ZFHX3: variants seen among roughly 807,000 people sequenced by gnomAD.
The protein encoded by ZFHX3 is zinc finger homeobox 3, also known as zinc finger homeobox protein 3.
A neutral mutation model predicts 279.1 loss-of-function variants in ZFHX3; 42 were observed. The ratio of observed to expected loss-of-function variants is 0.15; its 90% CI spans 0.12 to 0.19. The LOEUF (loss-of-function observed/expected upper bound fraction) is 0.19, where lower values mean the gene tolerates loss of function less well. Ranked by LOEUF, ZFHX3 falls within the 10% of genes least tolerant of loss-of-function variation. The pLI is 1.00. For missense variants in ZFHX3, 4,981 were observed against 4,754.0 expected (o/e 1.05, Z -1.40); for synonymous variants, 2,293 against 1,957.8 (o/e 1.17, Z -4.52).
intron 5 of ZFHX3, among the ~76,000 whole-genome samples, chr16:73,200,219 T>A: frequency 6.6e-6 from 1 of 152,224 alleles, no homozygotes; most frequent in East Asian, 1.9e-4. Context: ...TAAATCGTAT[T>A]AAATTGGTGG....
intron 3 of ZFHX3, among the ~76,000 whole-genome samples, chr16:73,406,008 G>A (rs910939102): frequency 1.3e-5 from 2 of 152,212 alleles, no homozygotes; most frequent in African/African-American, 2.4e-5. Context: ...CAGCATCAGC[G>A]TAGATGCCCG....
At chr16:73,645,706 G>A (rs934103929) in intron 2 of ZFHX3, among the ~76,000 whole-genome samples, 1 of 152,078 alleles carries the variant, frequency 6.6e-6, no homozygotes, top group Non-Finnish European at 1.5e-5. Flanking sequence ...ACATTTAATC[G>A]AGAATTTCTT....
chr16:73,504,045 A>T (rs1246086439), intron 2 of ZFHX3, among the ~76,000 whole-genome samples: 2 of 152,216 alleles, frequency 1.3e-5, no homozygotes, highest in Non-Finnish European at 2.9e-5. Context: ...CAATGATGGT[A>T]TTAATAAAAG....
intron 5 of ZFHX3, among the ~76,000 whole-genome samples, chr16:72,817,332 A>G (rs2036638831): frequency 6.6e-6 from 1 of 152,208 alleles, no homozygotes; most frequent in Admixed American, 6.5e-5. Flanking sequence ...ATCCCAGTGG[A>G]CTTAATGCCA....
At chr16:72,789,654 G>A (rs886228902) in intron 9 of ZFHX3, 1 of 152,314 alleles carries the variant, frequency 6.6e-6, no homozygotes, top group Non-Finnish European at 1.5e-5. Context: ...GGAAAGTGTG[G>A]AGGAAGGGCC....
intron 1 of ZFHX3, among the ~76,000 whole-genome samples, chr16:73,688,971 A>T (rs939876513): frequency 6.6e-6 from 1 of 152,294 alleles, no homozygotes. Flanking sequence ...CTGTGAGTCC[A>T]TTAAGCCTCT....
intron 5 of ZFHX3, among the ~76,000 whole-genome samples, chr16:73,150,888 C>A (rs117393098): frequency 0.054 from 8,199 of 152,240 alleles, 279 homozygotes; most frequent in Non-Finnish European, 0.08. Flanking sequence ...CAAAAATAAT[C>A]ACTGGCACAA....
chr16:73,226,545 C>T (rs1402085901), intron 5 of ZFHX3, among the ~76,000 whole-genome samples: 2 of 152,232 alleles, frequency 1.3e-5, no homozygotes, highest in African/African-American at 2.4e-5. Context: ...ATATGTGTCT[C>T]GGCCTTGGCC....
At chr16:73,846,839 G>A (rs1475548610) in intron 1 of ZFHX3, among the ~76,000 whole-genome samples, 5 of 152,068 alleles carry the variant, frequency 3.3e-5, no homozygotes, top group Non-Finnish European at 5.9e-5. Context: ...CATCATCCAC[G>A]TTCCTACACC....
intron 3 of ZFHX3, among the ~76,000 whole-genome samples, chr16:72,901,588 C>T (rs187794400): frequency 2.6e-5 from 4 of 152,298 alleles, no homozygotes; most frequent in Non-Finnish European, 2.9e-5. Flanking sequence ...TAAATCAACA[C>T]TTCTGGCGTC....
At chr16:73,422,658 A>G (rs2017739363) in intron 3 of ZFHX3, among the ~76,000 whole-genome samples, 1 of 152,208 alleles carries the variant, frequency 6.6e-6, no homozygotes, top group Non-Finnish European at 1.5e-5. Context: ...TTCCAAAGGC[A>G]TTCACATTTC....
chr16:73,581,402 T>C (rs1431081156), intron 2 of ZFHX3, among the ~76,000 whole-genome samples: 1 of 151,854 alleles, frequency 6.6e-6, no homozygotes, highest in Non-Finnish European at 1.5e-5. Context: ...ACTGTTTGTA[T>C]AAGTGGTTTT....
intron 5 of ZFHX3, among the ~76,000 whole-genome samples, chr16:73,160,772 CTT>C (rs200196890): frequency 1.2e-4 from 15 of 127,926 alleles, no homozygotes; most frequent in South Asian, 2.6e-4. Context: ...CTTTTCTCTT[CTT>C]TTTTTTTTTT....
intron 1 of ZFHX3, among the ~76,000 whole-genome samples, chr16:72,966,878 T>G (rs552400294): frequency 6.6e-6 from 1 of 152,174 alleles, no homozygotes; most frequent in Non-Finnish European, 1.5e-5. Context: ...AGTTCCCAAA[T>G]GGAATGTTTA....
chr16:72,880,007 G>A (rs1375795901), intron 4 of ZFHX3, among the ~76,000 whole-genome samples: 4 of 152,190 alleles, frequency 2.6e-5, no homozygotes, highest in East Asian at 3.9e-4. Flanking sequence ...GTGTCTTTGA[G>A]CACTTCCGGC....
chr16:73,223,191 A>T (rs2012479876), intron 5 of ZFHX3, among the ~76,000 whole-genome samples: 1 of 152,174 alleles, frequency 6.6e-6, no homozygotes, highest in Non-Finnish European at 1.5e-5. Context: ...CCCCAAAAGC[A>T]TGGTCCATGA....
At chr16:73,098,225 A>G (rs9940606) in intron 7 of ZFHX3, among the ~76,000 whole-genome samples, 59,051 of 151,586 alleles carry the variant, frequency 0.39, 11,827 homozygotes, top group East Asian at 0.64. Flanking sequence ...GGGCCACCAG[A>G]CCCAGTTAAT....
intron 2 of ZFHX3, among the ~76,000 whole-genome samples, chr16:73,580,759 C>T (rs2051853274): frequency 6.6e-6 from 1 of 151,806 alleles, no homozygotes; most frequent in African/African-American, 2.4e-5. Flanking sequence ...TTGAAGGTCA[C>T]TGGGCTTAAT....
At chr16:73,072,849 A>G (rs62052369) in intron 8 of ZFHX3, among the ~76,000 whole-genome samples, 6,226 of 151,436 alleles carry the variant, frequency 0.041, 192 homozygotes, top group African/African-American at 0.092. Context: ...GATTACCGGC[A>G]TGAGCCACTG....
Sources: allele counts gnomAD v4.1 joint callset (sites outside exome capture counted in the v4.1 genomes callset), GRCh38; gene constraint gnomAD v4.1.1; transcripts MANE v1.5; gene names NCBI Gene and HGNC (gene_info 2026-07-23, HGNC 2026-07-21).